Variants in STXBP4 observed in about 807,000 individuals in gnomAD.
STXBP4 encodes the protein syntaxin binding protein 4.
In STXBP4, 55 loss-of-function variants were observed where a neutral mutation model predicts 76.1. That is an observed-to-expected ratio of 0.72 (90% CI 0.58 to 0.91). STXBP4 has a LOEUF of 0.91. STXBP4 is among the 40% of genes least tolerant of loss of function. The probability of loss-of-function intolerance (pLI) is 0.00; values close to 1 mark genes in which losing one functional copy is unlikely to be tolerated. For synonymous variants in STXBP4, 201 were observed against 220.2 expected (o/e 0.91, Z 0.77); for missense variants, 618 against 636.9 (o/e 0.97, Z 0.32).
At chr17:54,997,762 T>C (rs1205641948) in intron 4 of STXBP4, among the ~76,000 whole-genome samples, 1 of 148,278 alleles carries the variant, frequency 6.7e-6, no homozygotes, top group Non-Finnish European at 1.5e-5. Flanking sequence ...TTTTTTTTTT[T>C]TTTTTTTGAA....
intron 10 of STXBP4, among the ~76,000 whole-genome samples, chr17:55,042,521 A>G (rs890745435): frequency 6.6e-6 from 1 of 151,796 alleles, no homozygotes; most frequent in African/African-American, 2.4e-5. Flanking sequence ...TTTAAATTAT[A>G]TTTTCTTTAG....
At chr17:55,148,360 G>A (rs191173317) in intron 17 of STXBP4, among the ~76,000 whole-genome samples, 16 of 152,190 alleles carry the variant, frequency 1.1e-4, no homozygotes, top group African/African-American at 3.1e-4. Flanking sequence ...TTAAATTATC[G>A]TTTCTTAGGC....
intron 16 of STXBP4, among the ~76,000 whole-genome samples, chr17:55,085,411 A>G (rs2079313616): frequency 6.6e-6 from 1 of 152,140 alleles, no homozygotes; most frequent in South Asian, 2.1e-4. Flanking sequence ...TTTAGTTGGG[A>G]TGGCTCAATA....
chr17:55,190,891 C>G, the STXBP4 span, among the ~76,000 whole-genome samples: 1 of 152,178 alleles, frequency 6.6e-6, no homozygotes, highest in Non-Finnish European at 1.5e-5. Context: ...CTGACTTGCT[C>G]ACATTTCCTT....
intron 10 of STXBP4, among the ~76,000 whole-genome samples, chr17:55,041,495 G>C (rs1371589653): frequency 6.6e-6 from 1 of 152,094 alleles, no homozygotes; most frequent in Admixed American, 6.6e-5. Flanking sequence ...TGGCATTACA[G>C]ACCTGGGTCA....
rs1357823996 is a variant in STXBP4, at chr17:55,171,861, C to T, written c.*11950C>T. 1.3e-5 allele frequency: 2 copies of T among 152,218 alleles called. No individual in the cohort carries two copies. Among genetic ancestry groups the T allele is most frequent in the Admixed American group, 6.5e-5 (1 of 15,280 alleles). 9.4% of individuals were successfully genotyped at this position (152,218 alleles called of 1,614,324 possible). Reference sequence around the variant, plus strand: ...CTAGCCTCCAAACTGTGAGACAATACATTTCTGTTGCTTAAGCCACTCAGT... The same window carrying T: ...CTAGCCTCCAAACTGTGAGACAATATATTTCTGTTGCTTAAGCCACTCAGT... On this transcript the variant is annotated 3_prime_UTR_variant, in exon 18 of 18. Coordinates refer to ENST00000376352, the MANE Select transcript of STXBP4 (RefSeq NM_178509.6).
At chr17:55,186,412 A>G in the STXBP4 span, among the ~76,000 whole-genome samples, 1 of 152,238 alleles carries the variant, frequency 6.6e-6, no homozygotes, top group African/African-American at 2.4e-5. Context: ...TACTTCTAAA[A>G]CTAAGCAAAT....
rs754836904 is a variant in STXBP4, at chr17:55,078,095, A to G, written c.1206A>G (p.Leu402=). The change falls in exon 14 of 18, where the codon TTA becomes TTG. Residue 402 remains leucine (L), a synonymous_variant. Coordinates refer to ENST00000376352, the MANE Select transcript of STXBP4 (RefSeq NM_178509.6). ...CTGTGCAGGAAAGTGTTCAGGATTTAAAAAAGAGAATCATGGTACTCGACT... is the reference window on the plus strand; with the variant it reads ...CTGTGCAGGAAAGTGTTCAGGATTTGAAAAAGAGAATCATGGTACTCGACT... ...SDQNKESVQD[L]KKRIMVLDCQ... 1.5e-5 allele frequency: 24 copies of G among 1,609,398 alleles called. No individual in the cohort carries two copies. The South Asian group carries it at 2.6e-4, about 17-fold the overall frequency.
intron 7 of STXBP4, among the ~76,000 whole-genome samples, chr17:55,006,907 G>A (rs1688906247): frequency 6.6e-6 from 1 of 152,146 alleles, no homozygotes; most frequent in South Asian, 2.1e-4. Flanking sequence ...AGGCATTGTG[G>A]TGATGTAGTA....
rs1442407694 is a variant in STXBP4, at chr17:55,167,197, G to A, written c.*7286G>A. The stretch of plus-strand genomic sequence containing the variant: ...GTAATTAATTTGGATAGGAAAGTAG[G>A]GCATGTGTCATCTCTCCTAGTAGAC... On this transcript the variant is annotated 3_prime_UTR_variant, in exon 18 of 18. Transcript: ENST00000376352. 6.6e-6 allele frequency: 1 copy of A among 152,046 alleles called. No individual in the cohort carries two copies. The highest frequency in any genetic ancestry group is 2.4e-5 in the African/African-American group (1 of 41,390). 9.4% of individuals were successfully genotyped at this position (152,046 alleles called of 1,614,324 possible). A position where few individuals can be genotyped will look rare whatever the true frequency, so the allele number is the denominator to read the frequency against.
intron 16 of STXBP4, among the ~76,000 whole-genome samples, chr17:55,101,992 G>A (rs964492073): frequency 6.6e-6 from 1 of 152,046 alleles, no homozygotes; most frequent in Non-Finnish European, 1.5e-5. Context: ...AATTGAAAAT[G>A]AAATGCCTTT....
At chr17:54,991,033 T>G in intron 4 of STXBP4, 76 bp downstream of exon 4, 2 of 1,411,268 alleles carry the variant, frequency 1.4e-6, no homozygotes, top group South Asian at 3.7e-5. Flanking sequence ...TTTTCTTCTT[T>G]ATTAGTGAAT....
the STXBP4 span, among the ~76,000 whole-genome samples, chr17:55,187,711 T>C: frequency 6.6e-6 from 1 of 151,722 alleles, no homozygotes; most frequent in Non-Finnish European, 1.5e-5. Context: ...GGGGAAGGAG[T>C]GTCTGGACCA....
intron 1 of STXBP4, among the ~76,000 whole-genome samples, chr17:54,973,274 T>C (rs1391025154): frequency 6.6e-6 from 1 of 152,270 alleles, no homozygotes; most frequent in Non-Finnish European, 1.5e-5. Flanking sequence ...CTATTTTTAC[T>C]GCGTCTTGTA....
the STXBP4 span, among the ~76,000 whole-genome samples, chr17:55,201,030 A>G: frequency 6.6e-6 from 1 of 152,136 alleles, no homozygotes; most frequent in Non-Finnish European, 1.5e-5. Flanking sequence ...AGTTTTACAC[A>G]TGCTTTGCTT....
intron 4 of STXBP4, among the ~76,000 whole-genome samples, chr17:54,996,172 C>A (rs183744707): frequency 2.7e-4 from 41 of 151,070 alleles, no homozygotes; most frequent in Non-Finnish European, 2.9e-4. Context: ...AAACTTCCAG[C>A]AGAGATAGTG....
At chr17:55,136,303 G>A (rs971131652) in intron 16 of STXBP4, among the ~76,000 whole-genome samples, 46 of 152,164 alleles carry the variant, frequency 3.0e-4, no homozygotes, top group African/African-American at 1.1e-3. Context: ...TCTGTATAAC[G>A]GGACCAGGGA....
At chr17:54,978,572 A>T (rs924463890) in intron 1 of STXBP4, among the ~76,000 whole-genome samples, 2 of 152,198 alleles carry the variant, frequency 1.3e-5, no homozygotes, top group Non-Finnish European at 2.9e-5. Flanking sequence ...GCAAATGAAG[A>T]TGAAAGAAGA....
intron 1 of STXBP4, among the ~76,000 whole-genome samples, chr17:54,971,779 T>G (rs1385092951): frequency 6.6e-6 from 1 of 152,082 alleles, no homozygotes; most frequent in Non-Finnish European, 1.5e-5. Context: ...GTCTTTTTCT[T>G]TCCTTTTTTA....
Sources: allele counts gnomAD v4.1 joint callset (sites outside exome capture counted in the v4.1 genomes callset), GRCh38; gene constraint gnomAD v4.1.1; transcripts MANE v1.5; gene names NCBI Gene and HGNC (gene_info 2026-07-23, HGNC 2026-07-21).